KRT72: variants seen among roughly 807,000 people sequenced by gnomAD.
KRT72 encodes keratin, type II cytoskeletal 72.
KRT72 carries 44 observed loss-of-function variants against 44.7 expected under a neutral mutation model. That is an observed-to-expected ratio of 0.98 (90% CI 0.77 to 1.27). KRT72 has a LOEUF of 1.27. Ranked by LOEUF, KRT72 falls within the 50% of genes most tolerant of loss-of-function variation. The pLI, the probability that KRT72 is intolerant of heterozygous loss-of-function variation, is 0.00. For synonymous variants in KRT72, 302 were observed against 280.4 expected, an observed-to-expected ratio of 1.08 and a Z score of -0.77; for missense variants, 736 against 667.1, an observed-to-expected ratio of 1.10 and a Z score of -1.14.
chr12:52,592,217 C>T (rs1362155299), intron 4 of KRT72, among the ~76,000 whole-genome samples, 179 bp downstream of exon 4: 3 of 152,314 alleles, frequency 2.0e-5, no homozygotes, highest in South Asian at 4.1e-4. Context: ...TTCTCTTTCA[C>T]GGACTCCTCA....
rs766999091 is a variant in KRT72 at position 52,592,395 on chromosome 12, C to T, written c.798+1G>A. On this transcript the variant is annotated splice_donor_variant, in intron 4 of 8. Coordinates refer to ENST00000293745, the MANE Select transcript of KRT72 (RefSeq NM_080747.3). LOFTEE classifies it high-confidence loss of function. ...ACAAGAGAGGTCAGCCAAGTCCTTACCCCTTCATAAAGGCACTTGAAGAAT... is the reference window on the plus strand; with the variant it reads ...ACAAGAGAGGTCAGCCAAGTCCTTATCCCTTCATAAAGGCACTTGAAGAAT... 18 of 1,600,342 alleles carry T rather than the reference C, an allele frequency of 1.1e-5. No homozygotes were observed. In the African/African-American group the frequency reaches 1.9e-4, roughly 17 times the overall value.
At chr12:52,591,798 G>A (rs974711618) in intron 4 of KRT72, among the ~76,000 whole-genome samples, 170 bp from the exon 5 acceptor site, 3 of 152,132 alleles carry the variant, frequency 2.0e-5, no homozygotes, top group Non-Finnish European at 4.4e-5. Context: ...TAGGCTTTCA[G>A]CCCCAAACGC....
intron 2 of KRT72, among the ~76,000 whole-genome samples, chr12:52,594,191 T>C (rs1940157069): frequency 6.6e-6 from 1 of 152,196 alleles, no homozygotes; most frequent in Non-Finnish European, 1.5e-5. Flanking sequence ...AAAAGCACTG[T>C]TGAGTGTGGC....
chr12:52,600,532 A>G (rs1000997826), intron 1 of KRT72, among the ~76,000 whole-genome samples: 4 of 152,156 alleles, frequency 2.6e-5, no homozygotes, highest in Non-Finnish European at 5.9e-5. Flanking sequence ...TAAATGAATC[A>G]TAGGGGCCGG....
intron 6 of KRT72, among the ~76,000 whole-genome samples, chr12:52,589,828 T>C (rs1451985749): frequency 1.3e-5 from 2 of 152,228 alleles, no homozygotes; most frequent in Admixed American, 6.5e-5. Flanking sequence ...CATAAACACA[T>C]AGCATTTCAT....
chr12:52,595,939 G>A (rs1046512021), intron 2 of KRT72, among the ~76,000 whole-genome samples: 1 of 152,194 alleles, frequency 6.6e-6, no homozygotes, highest in South Asian at 2.1e-4. Flanking sequence ...TTCAAAAAAA[G>A]AAGGATTTGA....
At chr12:52,598,464 C>T (rs751134398) in intron 2 of KRT72, among the ~76,000 whole-genome samples, 10 of 152,214 alleles carry the variant, frequency 6.6e-5, no homozygotes, top group African/African-American at 1.9e-4. Flanking sequence ...CATCCTCAAA[C>T]ATTCTCAATT....
intron 6 of KRT72, among the ~76,000 whole-genome samples, chr12:52,588,264 A>G (rs1215798716): frequency 6.6e-6 from 1 of 152,244 alleles, no homozygotes; most frequent in African/African-American, 2.4e-5. Context: ...AATCATGGGG[A>G]AAACATGAGG....
chr12:52,593,325 A>C (rs961694921), intron 2 of KRT72, among the ~76,000 whole-genome samples: 6 of 152,198 alleles, frequency 3.9e-5, no homozygotes, highest in Non-Finnish European at 5.9e-5. Flanking sequence ...TCAGGGTGCA[A>C]AAACCTCCTA....
intron 6 of KRT72, among the ~76,000 whole-genome samples, chr12:52,589,886 G>A (rs949824067): frequency 3.9e-5 from 6 of 152,106 alleles, no homozygotes; most frequent in South Asian, 2.1e-4. Context: ...AAACATCTGC[G>A]TTTTTTCTGC....
intron 2 of KRT72, among the ~76,000 whole-genome samples, chr12:52,594,421 A>G (rs1940166887): frequency 6.7e-6 from 1 of 149,286 alleles, no homozygotes; most frequent in Non-Finnish European, 1.5e-5. Flanking sequence ...ATGGAATACT[A>G]TGCAGCCATA....
At chr12:52,592,674 T>C (rs747538608) in intron 3 of KRT72, among the ~76,000 whole-genome samples, 183 bp from the exon 4 acceptor site, 1 of 152,194 alleles carries the variant, frequency 6.6e-6, no homozygotes, top group Non-Finnish European at 1.5e-5. Flanking sequence ...GCTACACCAG[T>C]AGTGCAGTAA....
At chr12:52,602,154 G>C (rs1246255484), upstream of KRT72, among the ~76,000 whole-genome samples, 7 of 152,208 alleles carry the variant, frequency 4.6e-5, no homozygotes, top group Non-Finnish European at 7.3e-5. Flanking sequence ...ACTAAGAATG[G>C]GGACCATGCT....
chr12:52,589,922 AAAC>A (rs746859396), intron 6 of KRT72, among the ~76,000 whole-genome samples: 4 of 152,224 alleles, frequency 2.6e-5, no homozygotes, highest in Admixed American at 2.6e-4. Flanking sequence ...GATTAAACAA[AAAC>A]AACTTAAGTT....
chr12:52,601,435 G>A lies in KRT72; in HGVS notation c.18C>T (p.Thr6=). The change falls in exon 1 of 9, where the codon ACC becomes ACT. Residue 6 remains threonine, a synonymous_variant. Coordinates refer to ENST00000293745, the MANE Select transcript of KRT72 (RefSeq NM_080747.3). ...CCAGGCGCTCCCCGCGGGGGAAATG[G>A]GTCAGTTGGCGGCTCATGGCTCGCA... MSRQL[T]HFPRGERLGF... 1 of 1,538,218 alleles carries A rather than the reference G, an allele frequency of 6.5e-7. No homozygotes were observed. Among genetic ancestry groups the A allele is most frequent in the Non-Finnish European group, 8.7e-7 (1 of 1,147,172 alleles).
At chr12:52,588,129 T>C (rs1368706859) in intron 6 of KRT72, among the ~76,000 whole-genome samples, 1 of 152,236 alleles carries the variant, frequency 6.6e-6, no homozygotes, top group African/African-American at 2.4e-5. Flanking sequence ...ACATGGCCCC[T>C]GCCCTCTCCC....
In KRT72 at chr12:52,586,053, C is replaced by T. The variant is rs372980417; in HGVS notation, c.1465G>A (p.Gly489Ser). Residue 489 changes from glycine to serine, a missense_variant, in exon 9 of 9, where the codon GGC (glycine) becomes AGC (serine). Physicochemically the swap from Gly to Ser is moderately conservative, Grantham distance 56 (BLOSUM62 0). Transcript: ENST00000293745. Reference sequence around the variant, plus strand: ...GCAAGGGGATCCTTGAGCTCACTGCCACAGCTGCCTTTGGTCTTGACGTCT... The same window carrying T: ...GCAAGGGGATCCTTGAGCTCACTGCTACAGCTGCCTTTGGTCTTGACGTCT... Reference protein sequence around the residue: ...AADVKTKGSCGSELKDPLAKT... With the variant: ...AADVKTKGSCSSELKDPLAKT... 1.5e-5 allele frequency: 24 copies of T among 1,614,082 alleles called. No homozygotes were observed. The highest frequency in any genetic ancestry group is 1.8e-5 in the Non-Finnish European group (21 of 1,180,052).
At chr12:52,601,664 T>C (rs949447920), upstream of KRT72, 45 of 580,896 alleles carry the variant, frequency 7.7e-5, no homozygotes, top group South Asian at 9.6e-4. Flanking sequence ...TGTTCCACCG[T>C]GAACTCCCCA....
At position 52,586,267 on chromosome 12, in the gene KRT72, C is replaced by A. The variant is rs1939743819; in HGVS notation, c.1346-95G>T. The A allele has an allele frequency of 4.3e-5, 42 of 967,666 alleles. No individual in the cohort carries two copies. In the South Asian group the frequency reaches 6.2e-4, roughly 14 times the overall value. 59.9% of individuals were successfully genotyped at this position (967,666 alleles called of 1,614,324 possible). ...TCTCGGGCCACCTCCTTTACTCTCG[C>A]CCGCAGTGGCTTCCTGCTGAGATGG... On this transcript the variant is annotated intron_variant, in intron 8 of 8. Coordinates refer to ENST00000293745, the MANE Select transcript of KRT72 (RefSeq NM_080747.3).
Sources: allele counts gnomAD v4.1 joint callset (sites outside exome capture counted in the v4.1 genomes callset), GRCh38; gene constraint gnomAD v4.1.1; transcripts MANE v1.5; gene names NCBI Gene and HGNC (gene_info 2026-07-23, HGNC 2026-07-21).